DCLK1: variants seen among roughly 807,000 people sequenced by gnomAD.
DCLK1 encodes serine/threonine-protein kinase DCLK1.
Under a neutral mutation model 86.2 loss-of-function variants are expected in DCLK1, and 16 were observed. The ratio of observed to expected loss-of-function variants is 0.19; its 90% CI spans 0.13 to 0.28. DCLK1 has a LOEUF of 0.28. Among genes scored for constraint, DCLK1 ranks in the 10% least tolerant of loss-of-function variants. The pLI, the probability that DCLK1 is intolerant of heterozygous loss-of-function variation, is 1.00. For missense variants in DCLK1, 590 were observed against 940.2 expected (o/e 0.63, Z 4.87); for synonymous variants, 369 against 370.5 (o/e 1.00, Z 0.05).
At chr13:35,909,147 G>A (rs1204731139) in intron 4 of DCLK1, among the ~76,000 whole-genome samples, 4 of 152,124 alleles carry the variant, frequency 2.6e-5, no homozygotes, top group Admixed American at 6.5e-5. Flanking sequence ...AATAGCACCC[G>A]GGAGCGGCAT....
At chr13:35,867,100 G>A (rs1871850592) in intron 5 of DCLK1, among the ~76,000 whole-genome samples, 1 of 152,204 alleles carries the variant, frequency 6.6e-6, no homozygotes, top group Non-Finnish European at 1.5e-5. Context: ...GTGACTGGGA[G>A]TTGACTGCCC....
intron 3 of DCLK1, among the ~76,000 whole-genome samples, chr13:36,100,697 G>A (rs1159645965): frequency 6.6e-6 from 1 of 152,058 alleles, no homozygotes; most frequent in Non-Finnish European, 1.5e-5. Context: ...GCAAAGCCCT[G>A]TCTGCCCTAA....
At chr13:36,056,227 CAAT>C (rs1472151515) in intron 3 of DCLK1, among the ~76,000 whole-genome samples, 1 of 102,988 alleles carries the variant, frequency 9.7e-6, no homozygotes, top group African/African-American at 3.8e-5. Flanking sequence ...AAATGTCCAA[CAAT>C]GATAGACTGG....
chr13:35,889,845 A>G (rs926807186), intron 4 of DCLK1, among the ~76,000 whole-genome samples: 1 of 152,220 alleles, frequency 6.6e-6, no homozygotes, highest in African/African-American at 2.4e-5. Context: ...AGACTATCAT[A>G]GCCATGTAAT....
At chr13:35,985,739 C>G (rs1222778624) in intron 3 of DCLK1, among the ~76,000 whole-genome samples, 1 of 152,156 alleles carries the variant, frequency 6.6e-6, no homozygotes. Flanking sequence ...CCCTCCAGGC[C>G]CTTTTTCCTT....
chr13:35,891,570 G>T (rs982502850), intron 4 of DCLK1, among the ~76,000 whole-genome samples: 4 of 152,192 alleles, frequency 2.6e-5, no homozygotes, highest in African/African-American at 9.6e-5. Flanking sequence ...TTCTGCGAAT[G>T]TACTAAAAAC....
At chr13:35,826,564 A>AGGG (rs1301930448) in intron 10 of DCLK1, among the ~76,000 whole-genome samples, 8,428 of 42,944 alleles carry the variant, frequency 0.2, 2,362 homozygotes, top group Non-Finnish European at 0.36. Flanking sequence ...AGAAAGAAAC[A>AGGG]AGTCCTAATT....
At chr13:35,816,048 ACTATCTTAAAAGGAGTT>A (rs1293580941) in intron 11 of DCLK1, among the ~76,000 whole-genome samples, 21 of 152,284 alleles carry the variant, frequency 1.4e-4, no homozygotes, top group African/African-American at 5.1e-4. Flanking sequence ...TAGTCATGAA[ACTATCTTAAAAGGAGTT>A]CTATGCAGCT....
chr13:36,104,757 A>AGTGAATAAAATATCTGC (rs1885332511), intron 3 of DCLK1, among the ~76,000 whole-genome samples: 1 of 152,128 alleles, frequency 6.6e-6, no homozygotes, highest in East Asian at 1.9e-4. Flanking sequence ...TGAAGAAGAA[A>AGTGAATAAAATATCTGC]GTGAATAAAA....
At chr13:35,935,450 G>T (rs1049161524) in intron 4 of DCLK1, among the ~76,000 whole-genome samples, 3 of 152,184 alleles carry the variant, frequency 2.0e-5, no homozygotes, top group Admixed American at 1.3e-4. Context: ...TTGGAAAGGA[G>T]GGGGACAGAT....
intron 3 of DCLK1, among the ~76,000 whole-genome samples, chr13:35,984,771 C>G (rs1044106449): frequency 6.6e-6 from 1 of 152,130 alleles, no homozygotes; most frequent in Non-Finnish European, 1.5e-5. Context: ...GGTATCACCT[C>G]TCTTCACTAC....
intron 2 of DCLK1, among the ~76,000 whole-genome samples, chr13:36,121,188 A>G (rs1460759750): frequency 6.6e-6 from 1 of 152,240 alleles, no homozygotes; most frequent in Non-Finnish European, 1.5e-5. Context: ...CAGTAAAAGA[A>G]CACAGTAGTT....
At chr13:36,099,798 G>GT (rs887917049) in intron 3 of DCLK1, among the ~76,000 whole-genome samples, 2 of 152,124 alleles carry the variant, frequency 1.3e-5, no homozygotes, top group African/African-American at 4.8e-5. Flanking sequence ...ACAGGTCTTT[G>GT]TTTTTTATGG....
At chr13:35,790,687 G>A (rs1027396535) in intron 16 of DCLK1, among the ~76,000 whole-genome samples, 1 of 152,090 alleles carries the variant, frequency 6.6e-6, no homozygotes, top group Non-Finnish European at 1.5e-5. Context: ...TTTTAATGAT[G>A]TGAGCAAATT....
At chr13:35,936,238 G>A (rs1242796164) in intron 4 of DCLK1, among the ~76,000 whole-genome samples, 1 of 152,176 alleles carries the variant, frequency 6.6e-6, no homozygotes, top group Admixed American at 6.5e-5. Context: ...ACTGAATATA[G>A]TGCTTTGAAG....
intron 3 of DCLK1, among the ~76,000 whole-genome samples, chr13:35,976,703 T>G (rs1039776300): frequency 5.3e-5 from 8 of 151,116 alleles, no homozygotes; most frequent in Non-Finnish European, 1.2e-4. Context: ...GCTAATTTTT[T>G]TTTTGTATTT....
At chr13:35,830,118 G>A (rs1376590813) in intron 8 of DCLK1, among the ~76,000 whole-genome samples, 1 of 152,180 alleles carries the variant, frequency 6.6e-6, no homozygotes, top group Non-Finnish European at 1.5e-5. Flanking sequence ...TGGGGCAGTG[G>A]CTCATGCCTA....
At chr13:35,948,508 G>A (rs963076782) in intron 3 of DCLK1, among the ~76,000 whole-genome samples, 4 of 152,150 alleles carry the variant, frequency 2.6e-5, no homozygotes, top group Non-Finnish European at 5.9e-5. Flanking sequence ...CACCTCTGGA[G>A]TTCTGCTTTT....
chr13:35,890,128 C>T (rs1216869216), intron 4 of DCLK1, among the ~76,000 whole-genome samples: 1 of 151,882 alleles, frequency 6.6e-6, no homozygotes, highest in African/African-American at 2.4e-5. Context: ...ATTTGAATAT[C>T]TTAGAATTAA....
Sources: allele counts gnomAD v4.1 joint callset (sites outside exome capture counted in the v4.1 genomes callset), GRCh38; gene constraint gnomAD v4.1.1; transcripts MANE v1.5; gene names NCBI Gene and HGNC (gene_info 2026-07-23, HGNC 2026-07-21).